SNAPC4: variants seen among roughly 807,000 people sequenced by gnomAD.
The protein encoded by SNAPC4 is small nuclear RNA activating complex polypeptide 4.
SNAPC4 carries 127 observed loss-of-function variants against 151.3 expected under a neutral mutation model. The observed-to-expected ratio is 0.84, with a 90% CI of 0.73 to 0.97. SNAPC4 has a LOEUF of 0.97. Ranked by LOEUF, SNAPC4 falls within the 50% of genes least tolerant of loss-of-function variation. SNAPC4 has a pLI of 0.00. For synonymous variants in SNAPC4, 1,002 were observed against 824.4 expected, an observed-to-expected ratio of 1.22 and a Z score of -3.69; for missense variants, 2,186 against 1,935.0, an observed-to-expected ratio of 1.13 and a Z score of -2.43.
intron 20 of SNAPC4, 60 bp from the exon 21 acceptor site, chr9:136,379,924 T>A: frequency 6.5e-7 from 1 of 1,531,000 alleles, no homozygotes; most frequent in Non-Finnish European, 8.9e-7. Flanking sequence ...TTGGACCACC[T>A]CTCCTAGCAT....
At chr9:136,385,630 G>C (rs776390856) in intron 13 of SNAPC4, among the ~76,000 whole-genome samples, 17 of 151,564 alleles carry the variant, frequency 1.1e-4, no homozygotes, top group Non-Finnish European at 1.9e-4. Context: ...ATCTCAGCTC[G>C]CTGCAACCAC....
intron 13 of SNAPC4, among the ~76,000 whole-genome samples, chr9:136,386,982 T>C (rs1394252614): frequency 6.6e-6 from 1 of 152,184 alleles, no homozygotes; most frequent in Non-Finnish European, 1.5e-5. Context: ...TGGCCTCAAG[T>C]GATCCGCCTG....
At chr9:136,392,631 GC>G (rs763894757) in intron 8 of SNAPC4, 37 bp from the exon 9 acceptor site, 2 of 1,613,420 alleles carry the variant, frequency 1.2e-6, no homozygotes, top group Non-Finnish European at 1.7e-6. Context: ...ACCACGCCTG[GC>G]TTGTGGGCTC....
At chr9:136,393,127 A>C (rs1240388730) in intron 7 of SNAPC4, among the ~76,000 whole-genome samples, 1 of 152,192 alleles carries the variant, frequency 6.6e-6, no homozygotes, top group Non-Finnish European at 1.5e-5. Flanking sequence ...CCCAGTGAGG[A>C]GGCCAGAGGC....
In SNAPC4 at chr9:136,380,077, G is replaced by A. The variant is rs532293926; in HGVS notation, c.2500-213C>T. 1.2e-4 allele frequency among the ~76,000 whole-genome samples: 18 copies of A among 152,340 alleles called. No individual in the cohort carries two copies. The East Asian group carries it at 2.5e-3, about 21-fold the overall frequency. ...TCCCATGTCCAGTGGCTACGGCACA[G>A]AGCCACCCAGAGTGGGCAGCGGTGC... On this transcript the variant is annotated intron_variant, in intron 20 of 23. Transcript: ENST00000684778.
chr9:136,377,485 A>C, intron 22 of SNAPC4, 58 bp downstream of exon 22: 1 of 1,487,864 alleles, frequency 6.7e-7, no homozygotes, highest in Non-Finnish European at 8.9e-7. Flanking sequence ...CAGGCAGGCG[A>C]GGGCACCCCA....
At chr9:136,385,681 G>C (rs148484312) in intron 13 of SNAPC4, among the ~76,000 whole-genome samples, 1 of 151,594 alleles carries the variant, frequency 6.6e-6, no homozygotes, top group African/African-American at 2.4e-5. Flanking sequence ...TCAGCCTCCC[G>C]AGTAGCTGGG....
chr9:136,390,558 A>G (rs1370358731), intron 10 of SNAPC4, among the ~76,000 whole-genome samples: 3 of 144,582 alleles, frequency 2.1e-5, no homozygotes, highest in Non-Finnish European at 3.0e-5. Flanking sequence ...CTGTTTGAAA[A>G]AAAAAAAAAA....
chr9:136,380,656 C>T lies in SNAPC4; in HGVS notation c.2499+84G>A, dbSNP rs991543108. 1.7e-5 allele frequency: 13 copies of T among 744,198 alleles called. No individual in the cohort carries two copies. The African/African-American group carries it at 2.2e-4, about 13-fold the overall frequency. 46.1% of individuals were successfully genotyped at this position (744,198 alleles called of 1,614,324 possible). On this transcript the variant is annotated intron_variant, in intron 20 of 23. Coordinates refer to ENST00000684778, the MANE Select transcript of SNAPC4 (RefSeq NM_003086.4). ...AGGGGCTGCGGTGGAGCGGGTGGGG[C>T]GGGCAGCCAGCCTCCGTGGAAACCC...
Position 136,394,825 on chromosome 9 carries a change from A to G in SNAPC4, c.525T>C (p.Ala175=), listed in dbSNP as rs144236447. Residue 175 remains alanine (A), a synonymous_variant, in exon 6 of 24, where the codon GCT becomes GCC. Coordinates refer to ENST00000684778, the MANE Select transcript of SNAPC4 (RefSeq NM_003086.4). ...ATTTGGTCACAAGGAGCTCCTCGAAAGCCTTGATCCCCTGGGCAGCCTTCT... is the reference window on the plus strand; with the variant it reads ...ATTTGGTCACAAGGAGCTCCTCGAAGGCCTTGATCCCCTGGGCAGCCTTCT... The part of the protein sequence containing the change: ...TREKAAQGIK[A]FEELLVTKWK... 5.2e-4 allele frequency: 847 copies of G among 1,613,870 alleles called. 5 individuals are homozygous for G. The Middle Eastern group carries it at 0.014, about 27-fold the overall frequency.
Position 136,379,144 on chromosome 9 carries a change from C to G in SNAPC4, c.2683G>C (p.Glu895Gln). Residue 895 changes from glutamate (E) to glutamine (Q), a missense_variant, in exon 22 of 24, where the codon GAG (glutamate) becomes CAG (glutamine). Coordinates refer to ENST00000684778, the MANE Select transcript of SNAPC4 (RefSeq NM_003086.4). Reference protein sequence around the residue: ...GPRPKPKTVSELLQEKRLQEA... With the variant: ...GPRPKPKTVSQLLQEKRLQEA... ...TGAAGCCGCTTCTCCTGAAGCAGCTCCGACACAGTCTTGGGCTTGGGCCGG... is the reference window on the plus strand; with the variant it reads ...TGAAGCCGCTTCTCCTGAAGCAGCTGCGACACAGTCTTGGGCTTGGGCCGG... 1 of 1,577,984 alleles carries G rather than the reference C, an allele frequency of 6.3e-7. No individual in the cohort carries two copies. The highest frequency in any genetic ancestry group is 1.3e-5 in the African/African-American group (1 of 74,608).
At chr9:136,382,145 A>G (rs1758480670) in intron 17 of SNAPC4, 72 bp from the exon 18 acceptor site, 1 of 1,568,708 alleles carries the variant, frequency 6.4e-7, no homozygotes, top group Non-Finnish European at 8.7e-7. Flanking sequence ...CCCAGTGGCC[A>G]GTGCTGCCCT....
chr9:136,380,520 G>A (rs2082463954), intron 20 of SNAPC4, among the ~76,000 whole-genome samples: 2 of 152,224 alleles, frequency 1.3e-5, no homozygotes, highest in Non-Finnish European at 2.9e-5. Flanking sequence ...GGGGCTATGG[G>A]GGAAAACAGG....
At position 136,391,950 on chromosome 9, in the gene SNAPC4, C is replaced by T. The variant is rs1404218492; in HGVS notation, c.967G>A (p.Glu323Lys). 6.2e-7 allele frequency: 1 copy of T among 1,602,928 alleles called. No individual in the cohort carries two copies. The highest frequency in any genetic ancestry group is 1.1e-5 in the South Asian group (1 of 91,082). The change falls in exon 10 of 24, where the codon GAG becomes AAG. Residue 323 changes from glutamate to lysine, a missense_variant. Transcript: ENST00000684778. Reference protein sequence around the residue: ...GHLEWQKIAEELGTSRSAFQC... With the variant: ...GHLEWQKIAEKLGTSRSAFQC... Reference sequence around the variant, plus strand: ...CCAGGCCAGGCCCTTACCCCCAGCTCCTCTGCAATCTTCTGCCACTCCAGG... The same window carrying T: ...CCAGGCCAGGCCCTTACCCCCAGCTTCTCTGCAATCTTCTGCCACTCCAGG...
rs570955020 is a variant in SNAPC4, at chr9:136,390,309, A to G, written c.975+1633T>C. Among the ~76,000 whole-genome samples the G allele has an allele frequency of 6.6e-5, 10 of 152,246 alleles. No homozygotes were observed. The South Asian group carries it at 2.1e-3, about 32-fold the overall frequency. ...GGTGGCTCACGTCTGTAATCCCAGCACTTTGGGAGGCTGAGGCCGGCAGAT... is the reference window on the plus strand; with the variant it reads ...GGTGGCTCACGTCTGTAATCCCAGCGCTTTGGGAGGCTGAGGCCGGCAGAT... On this transcript the variant is annotated intron_variant, in intron 10 of 23. Transcript: ENST00000684778.
intron 9 of SNAPC4, among the ~76,000 whole-genome samples, chr9:136,392,309 A>G (rs755681169): frequency 6.6e-6 from 1 of 152,106 alleles, no homozygotes; most frequent in Non-Finnish European, 1.5e-5. Flanking sequence ...CCTCCAGACC[A>G]TCTCAGAAAG....
chr9:136,392,666 C>T lies in SNAPC4; in HGVS notation c.737+7G>A, dbSNP rs1305936221. The T allele has an allele frequency of 2.5e-6, 4 of 1,613,604 alleles. No individual in the cohort carries two copies. The highest frequency in any genetic ancestry group is 3.4e-6 in the Non-Finnish European group (4 of 1,179,836). On this transcript the variant is annotated splice_region_variant and intron_variant, in intron 8 of 23. Transcript: ENST00000684778. ...TCCCCTGGGCCCTCCCGGGAGGCCC[C>T]CCTCACTTGATGTCCTGGATCTCCT... is the stretch of plus-strand genomic sequence containing the variant.
intron 10 of SNAPC4, 149 bp downstream of exon 10, chr9:136,391,793 T>G (rs11145849): frequency 0.18 from 147,034 of 839,844 alleles, 13,381 homozygotes; most frequent in East Asian, 0.24. Flanking sequence ...GCAGGCTCCT[T>G]CCCTAGGGCC....
At chr9:136,399,883 C>T (rs923161922) in intron 1 of SNAPC4, among the ~76,000 whole-genome samples, 2 of 152,140 alleles carry the variant, frequency 1.3e-5, no homozygotes, top group African/African-American at 4.8e-5. Context: ...GCAGCCGGGG[C>T]CGCCCCGCCG....
Sources: allele counts gnomAD v4.1 joint callset (sites outside exome capture counted in the v4.1 genomes callset), GRCh38; gene constraint gnomAD v4.1.1; transcripts MANE v1.5; gene names NCBI Gene and HGNC (gene_info 2026-07-23, HGNC 2026-07-21).